The following TNFRSF11A variants were observed in gnomAD, a reference collection of about 807,000 sequenced individuals.
TNFRSF11A encodes the protein tumor necrosis factor receptor superfamily member 11A.
Under a neutral mutation model 55.7 loss-of-function variants are expected in TNFRSF11A, and 32 were observed. That is an observed-to-expected ratio of 0.57 (90% CI 0.43 to 0.77). TNFRSF11A has a LOEUF of 0.77. Ranked by LOEUF, TNFRSF11A falls within the 30% of genes least tolerant of loss-of-function variation. TNFRSF11A has a pLI of 0.00. For synonymous variants in TNFRSF11A, 311 were observed against 331.0 expected (o/e 0.94, Z 0.65); for missense variants, 753 against 809.8 (o/e 0.93, Z 0.85).
intron 9 of TNFRSF11A, among the ~76,000 whole-genome samples, chr18:62,371,681 T>C (rs916360803): frequency 1.3e-5 from 2 of 152,238 alleles, no homozygotes; most frequent in East Asian, 1.9e-4. Flanking sequence ...AGCAGCCAGA[T>C]TGATTTTGGA....
chr18:62,348,411 TAG>T (rs1457413592), intron 2 of TNFRSF11A, among the ~76,000 whole-genome samples, 162 bp downstream of exon 2: 7 of 152,144 alleles, frequency 4.6e-5, no homozygotes, highest in African/African-American at 1.7e-4. Context: ...TTTCTCTCAA[TAG>T]AGATTTGAAG....
At chr18:62,332,208 G>A (rs777005824) in intron 1 of TNFRSF11A, among the ~76,000 whole-genome samples, 18 of 152,138 alleles carry the variant, frequency 1.2e-4, no homozygotes, top group Non-Finnish European at 2.2e-4. Context: ...TTTGGGGTTC[G>A]CATCACATCC....
In TNFRSF11A at chr18:62,366,697, G is replaced by A. The variant is rs372772575; in HGVS notation, c.731-11G>A. The A allele has an allele frequency of 1.6e-4, 266 of 1,614,024 alleles. No individual in the cohort carries two copies. The highest frequency in any genetic ancestry group is 2.1e-4 in the Non-Finnish European group (253 of 1,179,968). ...AACTTGAAGTCCTTATCCTTGCTTTGTGTTTTCTAGCTAATTTGTGGCACT... is the reference window on the plus strand; with the variant it reads ...AACTTGAAGTCCTTATCCTTGCTTTATGTTTTCTAGCTAATTTGTGGCACT... On this transcript the variant is annotated splice_polypyrimidine_tract_variant and intron_variant, in intron 7 of 9. Transcript: ENST00000586569.
chr18:62,357,982 AG>A (rs1396170787), intron 4 of TNFRSF11A: 4 of 464,832 alleles, frequency 8.6e-6, no homozygotes, highest in African/African-American at 5.9e-5. Flanking sequence ...ATCACATACC[AG>A]TGTTAGTGGC....
At chr18:62,367,842 T>C (rs1457297894) in intron 8 of TNFRSF11A, among the ~76,000 whole-genome samples, 2 of 146,202 alleles carry the variant, frequency 1.4e-5, no homozygotes, top group African/African-American at 5.1e-5. Flanking sequence ...CATCCAGGCT[T>C]GAGTGCAATG....
chr18:62,375,085 GTT>G (rs1280672002), intron 9 of TNFRSF11A, among the ~76,000 whole-genome samples: 3 of 57,946 alleles, frequency 5.2e-5, no homozygotes, highest in African/African-American at 5.0e-5. Context: ...TTGTGTGTGT[GTT>G]TTTTTTTTTT....
chr18:62,334,335 C>T (rs973983182), intron 1 of TNFRSF11A, among the ~76,000 whole-genome samples: 1 of 152,166 alleles, frequency 6.6e-6, no homozygotes, highest in Non-Finnish European at 1.5e-5. Context: ...GCCAAGGCAG[C>T]ACTGGCTCGT....
In TNFRSF11A at chr18:62,385,166, C is replaced by A; in HGVS notation, c.*132C>A. The A allele has an allele frequency of 1.8e-6, 2 of 1,081,510 alleles. No individual in the cohort carries two copies. The highest frequency in any genetic ancestry group is 2.4e-6 in the Non-Finnish European group (2 of 819,596). 67.0% of individuals were successfully genotyped at this position (1,081,510 alleles called of 1,614,324 possible). On this transcript the variant is annotated 3_prime_UTR_variant, in exon 10 of 10. Transcript: ENST00000586569. The stretch of plus-strand genomic sequence containing the variant: ...AGGAAGACCACCCGGCATTCTCTGC[C>A]CACTTTGCCTTCCAGGAAATGGGCT...
In TNFRSF11A at chr18:62,368,828, A is replaced by G; in HGVS notation, c.911A>G (p.Gln304Arg). 1 of 1,614,262 alleles carries G rather than the reference A, an allele frequency of 6.2e-7. No homozygotes were observed. ...CCAGAAGATATGTGCTACCCAGATC[A>G]AGGTGGTGTCTGTCAGGGCACATGT... is the stretch of plus-strand genomic sequence containing the variant. The part of the protein sequence containing the change: ...TFPEDMCYPD[Q>R]GGVCQGTCVG... Residue 304 changes from glutamine to arginine, a missense_variant, in exon 9 of 10, where the codon CAA becomes CGA. Coordinates refer to ENST00000586569, the MANE Select transcript of TNFRSF11A (RefSeq NM_003839.4).
intron 1 of TNFRSF11A, among the ~76,000 whole-genome samples, chr18:62,345,022 G>A (rs2046363083): frequency 6.6e-6 from 1 of 152,234 alleles, no homozygotes; most frequent in African/African-American, 2.4e-5. Context: ...GGACAAGTCG[G>A]TCAATCCTCA....
intron 1 of TNFRSF11A, among the ~76,000 whole-genome samples, chr18:62,338,116 C>T (rs542943701): frequency 1.3e-5 from 2 of 152,330 alleles, no homozygotes; most frequent in Admixed American, 6.5e-5. Flanking sequence ...GGAGATACTA[C>T]CTCACACACA....
At position 62,383,559 on chromosome 18, in the gene TNFRSF11A, G is replaced by A. The variant is rs1246127911; in HGVS notation, c.1568-1192G>A. On this transcript the variant is annotated intron_variant, in intron 9 of 9. Transcript: ENST00000586569. This position sits in a 1 kb window ranked among gnomAD's most constrained non-coding sequence, Gnocchi z 4.2. ...AAGGATTCTGTTTGTGATGCTGAGT[G>A]TTGGGGTGTTTCTAGATCTGCTTGG... Among the ~76,000 whole-genome samples, 1 of 152,172 alleles carries A rather than the reference G, an allele frequency of 6.6e-6. No homozygotes were observed. Among genetic ancestry groups the A allele is most frequent in the Non-Finnish European group, 1.5e-5 (1 of 68,044 alleles).
At chr18:62,346,693 GC>G (rs1432021531) in intron 1 of TNFRSF11A, among the ~76,000 whole-genome samples, 1 of 152,216 alleles carries the variant, frequency 6.6e-6, no homozygotes, top group Non-Finnish European at 1.5e-5. Context: ...GTCCGTGATG[GC>G]TGTGTGCCCC....
intron 9 of TNFRSF11A, among the ~76,000 whole-genome samples, chr18:62,382,432 A>G (rs1287511635): frequency 3.3e-5 from 5 of 152,092 alleles, no homozygotes; most frequent in African/African-American, 1.2e-4. Flanking sequence ...TTTTACATTA[A>G]CCACACCACC....
At chr18:62,351,943 C>T (rs762807835) in intron 3 of TNFRSF11A, among the ~76,000 whole-genome samples, 10 of 152,080 alleles carry the variant, frequency 6.6e-5, no homozygotes, top group Non-Finnish European at 1.0e-4. Flanking sequence ...ATTACAGGCA[C>T]GTGCCACCAT....
Position 62,385,660 on chromosome 18 carries a change from C to T in TNFRSF11A, c.*626C>T, listed in dbSNP as rs1189750521. ...GCCACGCCCAGCTTCCTCCCCCCGA[C>T]TCCCCCCCCAGAGACACGGTCCCAC... On this transcript the variant is annotated 3_prime_UTR_variant, in exon 10 of 10. Transcript: ENST00000586569. 1 of 135,660 alleles carries T rather than the reference C, an allele frequency of 7.4e-6. No individual in the cohort carries two copies. Among genetic ancestry groups the T allele is most frequent in the Non-Finnish European group, 1.7e-5 (1 of 57,846 alleles). 8.4% of individuals were successfully genotyped at this position (135,660 alleles called of 1,614,324 possible). A position where few individuals can be genotyped will look rare whatever the true frequency, so the allele number is the denominator to read the frequency against.
At chr18:62,377,803 T>C (rs959996535) in intron 9 of TNFRSF11A, among the ~76,000 whole-genome samples, 2 of 152,232 alleles carry the variant, frequency 1.3e-5, no homozygotes, top group Admixed American at 6.5e-5. Context: ...CTTTGTCAGA[T>C]GTGGCTTTTG....
chr18:62,357,325 T>C (rs927675222), intron 4 of TNFRSF11A, among the ~76,000 whole-genome samples: 1 of 152,222 alleles, frequency 6.6e-6, no homozygotes, highest in Non-Finnish European at 1.5e-5. Context: ...AGAATCATCA[T>C]GTGTGGATTG....
chr18:62,362,764 T>C (rs1034321902), intron 7 of TNFRSF11A, among the ~76,000 whole-genome samples: 1 of 152,170 alleles, frequency 6.6e-6, no homozygotes, highest in Non-Finnish European at 1.5e-5. Context: ...ATTCAAGTCA[T>C]TCTCTTTTGA....
Sources: gnomAD v4.1 joint callset for allele counts (sites outside exome capture counted in the v4.1 genomes callset) on GRCh38, gnomAD v4.1.1 for gene constraint, Gnocchi (gnomAD v3.1) non-coding constraint, MANE v1.5 for transcripts, NCBI Gene and HGNC (gene_info 2026-07-23, HGNC 2026-07-21) for gene names.